The following TBC1D22A variants were observed in gnomAD, a reference collection of about 807,000 sequenced individuals.
TBC1D22A encodes the protein putative GTPase activator.
In TBC1D22A, 38 loss-of-function variants were observed where a neutral mutation model predicts 60.2. The observed-to-expected ratio is 0.63, with a 90% CI of 0.49 to 0.83. The LOEUF (loss-of-function observed/expected upper bound fraction) is 0.83. Among genes scored for constraint, TBC1D22A ranks in the 40% least tolerant of loss-of-function variants. The pLI is 0.00. For missense variants in TBC1D22A, 628 were observed against 701.0 expected (o/e 0.90, Z 1.18); for synonymous variants, 302 against 281.7 (o/e 1.07, Z -0.72).
chr22:46,968,053 CA>C (rs1465774734), intron 8 of TBC1D22A, among the ~76,000 whole-genome samples: 1 of 152,212 alleles, frequency 6.6e-6, no homozygotes, highest in Non-Finnish European at 1.5e-5. Context: ...TTAGGAGACC[CA>C]GAGCTTGGGT....
rs2062321146 is a variant in TBC1D22A, at chr22:47,028,076, G to A, written c.1202-8995G>A. ...ACCCTGTTTTGGAGGGGTGTGCTGA[G>A]TAGCTCGTGTGCACGTCTGTGAGGT... On this transcript the variant is annotated intron_variant, in intron 10 of 12. Transcript: ENST00000337137. The surrounding 1 kb of genome is among the most constrained non-coding windows in gnomAD (Gnocchi z 4.4). 6.6e-6 allele frequency among the ~76,000 whole-genome samples: 1 copy of A among 152,236 alleles called. No individual in the cohort carries two copies. The highest frequency in any genetic ancestry group is 2.4e-5 in the African/African-American group (1 of 41,460).
intron 4 of TBC1D22A, among the ~76,000 whole-genome samples, chr22:46,815,001 T>G (rs1402743426): frequency 6.6e-6 from 1 of 152,216 alleles, no homozygotes. Flanking sequence ...ACTAACTTTC[T>G]TTGAAAACAT....
intron 4 of TBC1D22A, among the ~76,000 whole-genome samples, chr22:46,826,910 G>T (rs1279658806): frequency 1.3e-5 from 2 of 151,592 alleles, no homozygotes; most frequent in Non-Finnish European, 2.9e-5. Context: ...GCTGTTGAAT[G>T]AATACACGAA....
At chr22:47,167,465 G>A (rs558482894) in intron 12 of TBC1D22A, among the ~76,000 whole-genome samples, 2 of 152,282 alleles carry the variant, frequency 1.3e-5, no homozygotes, top group East Asian at 3.9e-4. Flanking sequence ...TGGGAGGGAG[G>A]GTTACAGCTC....
In TBC1D22A at chr22:46,919,360, C is replaced by T. The variant is rs376714279; in HGVS notation, c.1015+7172C>T. 5.3e-5 allele frequency among the ~76,000 whole-genome samples: 8 copies of T among 152,358 alleles called. No homozygotes were observed. The East Asian group carries it at 5.8e-4, about 11-fold the overall frequency. On this transcript the variant is annotated intron_variant, in intron 8 of 12. Coordinates refer to ENST00000337137, the MANE Select transcript of TBC1D22A (RefSeq NM_014346.5). ...CTTCCTTCATTCCGTAGCCAGGTAACGTCTCCGGGTACGGACGCAGCACGT... is the reference window on the plus strand; with the variant it reads ...CTTCCTTCATTCCGTAGCCAGGTAATGTCTCCGGGTACGGACGCAGCACGT...
At chr22:46,954,160 T>G (rs1195603981) in intron 8 of TBC1D22A, among the ~76,000 whole-genome samples, 1 of 150,942 alleles carries the variant, frequency 6.6e-6, no homozygotes, top group Non-Finnish European at 1.5e-5. Flanking sequence ...CAGTAGCAAG[T>G]CCACAGGGCC....
chr22:46,796,992 C>A (rs976341829), intron 3 of TBC1D22A, among the ~76,000 whole-genome samples: 8 of 152,214 alleles, frequency 5.3e-5, no homozygotes, highest in African/African-American at 1.4e-4. Context: ...CCACTGTTGC[C>A]TTCTGTCCTC....
At chr22:46,776,842 A>G (rs1237969178) in intron 1 of TBC1D22A, among the ~76,000 whole-genome samples, 2 of 152,108 alleles carry the variant, frequency 1.3e-5, no homozygotes, top group African/African-American at 2.4e-5. Context: ...GCAGGAGGAC[A>G]CTGCACAGGC....
intron 5 of TBC1D22A, among the ~76,000 whole-genome samples, chr22:46,886,030 C>T (rs1315270883): frequency 6.6e-6 from 1 of 151,624 alleles, no homozygotes; most frequent in Admixed American, 6.6e-5. Flanking sequence ...ACCACAGCTT[C>T]CCGAGTAGCT....
chr22:46,979,735 A>C (rs136114), intron 9 of TBC1D22A, among the ~76,000 whole-genome samples: 51,951 of 152,142 alleles, frequency 0.34, 9,146 homozygotes, highest in African/African-American at 0.43. Flanking sequence ...GCCTGCTGCC[A>C]GCATGCCCGC....
chr22:47,136,107 C>A (rs926397151), intron 12 of TBC1D22A, among the ~76,000 whole-genome samples: 2 of 152,228 alleles, frequency 1.3e-5, no homozygotes, highest in Non-Finnish European at 2.9e-5. Context: ...AAGTGAGGCA[C>A]GATGGTGTGG....
chr22:46,866,467 C>A (rs1425849829), intron 4 of TBC1D22A, among the ~76,000 whole-genome samples: 2 of 152,212 alleles, frequency 1.3e-5, no homozygotes, highest in Non-Finnish European at 1.5e-5. Flanking sequence ...CACTGAACAT[C>A]CACTTAATGA....
chr22:46,796,369 G>C (rs917003666), intron 3 of TBC1D22A, among the ~76,000 whole-genome samples: 7 of 152,214 alleles, frequency 4.6e-5, no homozygotes, highest in Non-Finnish European at 1.0e-4. Context: ...TCTGTGGGAA[G>C]GAGGGCGCGG....
intron 10 of TBC1D22A, among the ~76,000 whole-genome samples, chr22:47,002,634 A>C (rs1246978532): frequency 1.3e-5 from 2 of 152,244 alleles, no homozygotes; most frequent in East Asian, 1.9e-4. Context: ...ACTGCATTTC[A>C]GATCAGAGAA....
chr22:46,997,826 C>G, intron 10 of TBC1D22A, 117 bp downstream of exon 10: 1 of 818,542 alleles, frequency 1.2e-6, no homozygotes, highest in Admixed American at 2.3e-5. Context: ...CTCAGGATCC[C>G]TCATGGGCAT....
intron 8 of TBC1D22A, among the ~76,000 whole-genome samples, chr22:46,926,352 A>G (rs1602512860): frequency 1.3e-5 from 2 of 152,194 alleles, no homozygotes; most frequent in Admixed American, 1.3e-4. Context: ...CTGACCAGAG[A>G]GAGAGAGAAA....
chr22:46,992,858 T>C (rs541386935), intron 9 of TBC1D22A, among the ~76,000 whole-genome samples: 1 of 55,082 alleles, frequency 1.8e-5, no homozygotes, highest in Non-Finnish European at 3.3e-5. Flanking sequence ...GAAGGGAGTC[T>C]TAAGAGTTGA....
rs1215882419 is a variant in TBC1D22A at position 46,777,686 on chromosome 22, G to A, written c.63-14834G>A. 6.6e-6 allele frequency among the ~76,000 whole-genome samples: 1 copy of A among 152,164 alleles called. No homozygotes were observed. Among genetic ancestry groups the A allele is most frequent in the African/African-American group, 2.4e-5 (1 of 41,414 alleles). ...GAAAGAGCTCAGTGTGATGAGTCCT[G>A]AGGGGAAGCTGGGCAGGGCCAGGAT... is the stretch of plus-strand genomic sequence containing the variant. On this transcript the variant is annotated intron_variant, in intron 1 of 12. Transcript: ENST00000337137. This position sits in a 1 kb window ranked among gnomAD's most constrained non-coding sequence, Gnocchi z 4.5.
intron 11 of TBC1D22A, among the ~76,000 whole-genome samples, chr22:47,054,168 G>A (rs959438752): frequency 6.6e-6 from 1 of 152,218 alleles, no homozygotes; most frequent in African/African-American, 2.4e-5. Context: ...TAGGAGAGGA[G>A]GAAGGACGTG....
Sources: gnomAD v4.1 joint callset for allele counts (sites outside exome capture counted in the v4.1 genomes callset) on GRCh38, gnomAD v4.1.1 for gene constraint, Gnocchi (gnomAD v3.1) non-coding constraint, MANE v1.5 for transcripts, NCBI Gene and HGNC (gene_info 2026-07-23, HGNC 2026-07-21) for gene names.